The following PIGV variants were observed in gnomAD, a reference collection of about 807,000 sequenced individuals.
The protein encoded by PIGV is phosphatidylinositol glycan anchor biosynthesis class V.
A neutral mutation model predicts 39.2 loss-of-function variants in PIGV; 27 were observed. The observed-to-expected ratio is 0.69, with a 90% CI of 0.51 to 0.95. The LOEUF (loss-of-function observed/expected upper bound fraction) is 0.95. PIGV is among the 40% of genes least tolerant of loss of function. The probability of loss-of-function intolerance (pLI) is 0.00; values close to 1 mark genes in which losing one functional copy is unlikely to be tolerated. For missense variants in PIGV, 523 were observed against 586.4 expected (o/e 0.89, Z 1.12); for synonymous variants, 232 against 241.7 (o/e 0.96, Z 0.37).
At chr1:26,791,203 A>G (rs1426818298) in intron 2 of PIGV, among the ~76,000 whole-genome samples, 2 of 152,184 alleles carry the variant, frequency 1.3e-5, no homozygotes, top group African/African-American at 4.8e-5. Context: ...TCTCTCCAAC[A>G]GACTGTGATG....
chr1:26,788,125 G>A lies in PIGV; in HGVS notation c.-201G>A, dbSNP rs1208003985. ...AATGAGACAGACGCCCGGAGAAGCGGGGAGCCCCGCCCCTCCGCCATAGCA... is the reference window on the plus strand; with the variant it reads ...AATGAGACAGACGCCCGGAGAAGCGAGGAGCCCCGCCCCTCCGCCATAGCA... On this transcript the variant is annotated 5_prime_UTR_variant, in exon 1 of 4. Coordinates refer to ENST00000674202, the MANE Select transcript of PIGV (RefSeq NM_017837.4). 1 of 152,308 alleles carries A rather than the reference G, an allele frequency of 6.6e-6. No homozygotes were observed. The highest frequency in any genetic ancestry group is 1.9e-4 in the East Asian group (1 of 5,192). The allele number at this position is 152,308 out of a possible 1,614,324, so 9.4% of individuals were successfully genotyped here. A position where few individuals can be genotyped will look rare whatever the true frequency, so the allele number is the denominator to read the frequency against.
intron 2 of PIGV, among the ~76,000 whole-genome samples, chr1:26,791,164 C>A (rs2124182235): frequency 6.6e-6 from 1 of 152,242 alleles, no homozygotes; most frequent in Admixed American, 6.5e-5. Flanking sequence ...GGAGTTTGAC[C>A]CCATGTTTCC....
chr1:26,794,940 AAT>A lies in PIGV; in HGVS notation c.910_911del (p.Tyr304GlnfsTer17), dbSNP rs2081361922. 1.2e-6 allele frequency: 2 copies of A among 1,614,042 alleles called. No homozygotes were observed. Among genetic ancestry groups the A allele is most frequent in the African/African-American group, 1.3e-5 (1 of 74,922 alleles). On this transcript the variant is annotated frameshift_variant, in exon 3 of 4. Transcript: ENST00000674202. LOFTEE classifies it high-confidence loss of function. ...PPWCFWDVPLIYSYIQDVYWN... is the reference protein window; with the variant it reads ...PPWCFWDVPLXYSYIQDVYWN... ...CTTGGTGCTTCTGGGATGTTCCACTAATATACAGCTATATCCAGGATGTCTAC... is the reference window on the plus strand; with the variant it reads ...CTTGGTGCTTCTGGGATGTTCCACTAATACAGCTATATCCAGGATGTCTAC...
rs1340002703 is a variant in PIGV at position 26,794,591 on chromosome 1, G to C, written c.557G>C (p.Arg186Thr). 1 of 1,614,252 alleles carries C rather than the reference G, an allele frequency of 6.2e-7. No homozygotes were observed. The highest frequency in any genetic ancestry group is 1.7e-5 in the Admixed American group (1 of 60,036). The change falls in exon 3 of 4, where the codon AGG becomes ACG. Residue 186 changes from arginine to threonine, a missense_variant. Physicochemically the swap from Arg to Thr is moderately conservative, Grantham distance 71 (BLOSUM62 -1). Coordinates refer to ENST00000674202, the MANE Select transcript of PIGV (RefSeq NM_017837.4). ...TTCAGTGCCATGGGGCAGCTGGAGA[G>C]GGGCCGAGTCTGGACTAGTGTACTC... ...LTFSAMGQLE[R>T]GRVWTSVLLF...
chr1:26,788,980 G>A (rs1455137161), intron 1 of PIGV: 1 of 152,240 alleles, frequency 6.6e-6, no homozygotes, highest in Non-Finnish European at 1.5e-5. Context: ...TGAGGCTAGA[G>A]CTTGACTCGA....
chr1:26,793,019 C>T (rs901242739), intron 2 of PIGV, among the ~76,000 whole-genome samples: 10 of 152,242 alleles, frequency 6.6e-5, no homozygotes, highest in African/African-American at 2.2e-4. Flanking sequence ...TCACATTCTT[C>T]AGCCTACCTA....
chr1:26,787,843 A>AC (rs1382273507), upstream of PIGV: 1 of 152,104 alleles, frequency 6.6e-6, no homozygotes, highest in African/African-American at 2.4e-5. Flanking sequence ...CCGAGCGGCG[A>AC]CCCCCATCCC....
In PIGV at chr1:26,797,775, T is replaced by C; in HGVS notation, c.1413T>C (p.Ile471=). ...WKTCSPVTRY[I]LGYFLTYWLL... is the part of the protein sequence containing the mutation. The stretch of plus-strand genomic sequence containing the variant: ...CCTGTTCTCCAGTCACACGATACAT[T>C]CTAGGCTACTTCCTGACTTACTGGC... Residue 471 remains isoleucine, a synonymous_variant, in exon 4 of 4, where the codon ATT becomes ATC. Coordinates refer to ENST00000674202, the MANE Select transcript of PIGV (RefSeq NM_017837.4). 1 of 1,614,024 alleles carries C rather than the reference T, an allele frequency of 6.2e-7. No individual in the cohort carries two copies. The highest frequency in any genetic ancestry group is 8.5e-7 in the Non-Finnish European group (1 of 1,179,902).
At chr1:26,795,698 A>G (rs2081372870) in intron 3 of PIGV, among the ~76,000 whole-genome samples, 1 of 117,342 alleles carries the variant, frequency 8.5e-6, no homozygotes, top group Non-Finnish European at 1.7e-5. Flanking sequence ...CGACAGAGTG[A>G]GACTCTATCT....
chr1:26,794,266 G>A lies in PIGV; in HGVS notation c.232G>A (p.Gly78Ser), dbSNP rs2081349528. 2 of 1,614,210 alleles carry A rather than the reference G, an allele frequency of 1.2e-6. No homozygotes were observed. The highest frequency in any genetic ancestry group is 8.5e-7 in the Non-Finnish European group (1 of 1,180,030). ...ACACTTCTTGTTCATTGCTGAGCAT[G>A]GCTACCTGTATGAGCACAACTTTGC... is the stretch of plus-strand genomic sequence containing the variant. ...AEHFLFIAEH[G>S]YLYEHNFAFF... Residue 78 changes from glycine (G) to serine (S), a missense_variant, in exon 3 of 4, where the codon GGC becomes AGC. Gly to Ser is a moderately conservative substitution (Grantham distance 56). Transcript: ENST00000674202.
chr1:26,787,814 G>C (rs1156699580), upstream of PIGV: 1 of 152,322 alleles, frequency 6.6e-6, no homozygotes, highest in African/African-American at 2.4e-5. Context: ...AAGGTGGGAA[G>C]GTGCTACGAG....
At chr1:26,796,591 G>A (rs2081387625) in intron 3 of PIGV, among the ~76,000 whole-genome samples, 1 of 152,180 alleles carries the variant, frequency 6.6e-6, no homozygotes, top group Non-Finnish European at 1.5e-5. Context: ...TTCCATATAA[G>A]AAGCAGAGGA....
intron 2 of PIGV, among the ~76,000 whole-genome samples, chr1:26,792,320 ATT>A (rs34566875): frequency 1.1e-4 from 14 of 129,226 alleles, no homozygotes; most frequent in Admixed American, 1.6e-4. Context: ...TAATTTTTGT[ATT>A]TTTTTTTTTT....
chr1:26,790,861 G>A lies in PIGV; in HGVS notation c.46G>A (p.Val16Ile). The A allele has an allele frequency of 3.7e-6, 6 of 1,614,148 alleles. No individual in the cohort carries two copies. Among genetic ancestry groups the A allele is most frequent in the Non-Finnish European group, 5.1e-6 (6 of 1,179,994 alleles). Residue 16 changes from valine to isoleucine, a missense_variant, in exon 2 of 4, where the codon GTC becomes ATC. By Grantham distance (29) the Val-to-Ile change is conservative. Transcript: ENST00000674202. ...PSRKEVLRFA[V>I]SCRILTLMLQ... is the part of the protein sequence containing the mutation. ...CCGGAAGGAGGTGCTGAGGTTTGCA[G>A]TCAGCTGCCGTATCCTGACTCTGAT...
chr1:26,791,697 T>C (rs2081311538), intron 2 of PIGV, among the ~76,000 whole-genome samples: 1 of 152,224 alleles, frequency 6.6e-6, no homozygotes, highest in African/African-American at 2.4e-5. Flanking sequence ...ACATAAGGCA[T>C]GGCAGACTCT....
chr1:26,798,078 C>T lies in PIGV; in HGVS notation c.*234C>T, dbSNP rs1054904209. On this transcript the variant is annotated 3_prime_UTR_variant, in exon 4 of 4. Coordinates refer to ENST00000674202, the MANE Select transcript of PIGV (RefSeq NM_017837.4). ...TATTTTCTCTGTAAGTGAAGATTGT[C>T]GTATTCCAAGTCTAAAATACACCTG... The T allele has an allele frequency of 1.8e-6, 1 of 548,970 alleles. No individual in the cohort carries two copies. Among genetic ancestry groups the T allele is most frequent in the Non-Finnish European group, 3.3e-6 (1 of 304,776 alleles). The allele number at this position is 548,970 out of a possible 1,614,324, so 34.0% of individuals were successfully genotyped here.
chr1:26,795,060 T>G lies in PIGV; in HGVS notation c.1026T>G (p.Thr342=). Residue 342 remains threonine, a synonymous_variant, in exon 3 of 4, where the codon ACT becomes ACG. Transcript: ENST00000674202. The part of the protein sequence containing the change: ...APVAILVAWA[T]WTYVTTHPWL... ...TGGCTATACTGGTTGCCTGGGCAAC[T>G]TGGACATACGTGACCACTCACCCTT... 1 of 1,614,218 alleles carries G rather than the reference T, an allele frequency of 6.2e-7. No homozygotes were observed. Among genetic ancestry groups the G allele is most frequent in the East Asian group, 2.2e-5 (1 of 44,886 alleles).
Position 26,794,143 on chromosome 1 carries a change from C to T in PIGV, c.109C>T (p.His37Tyr). Residue 37 changes from histidine to tyrosine, a missense_variant, in exon 3 of 4, where the codon CAT becomes TAT. His to Tyr is a moderately conservative substitution (Grantham distance 83). Coordinates refer to ENST00000674202, the MANE Select transcript of PIGV (RefSeq NM_017837.4). ...ALFNAIIPDH[H>Y]AEAFSPPRLA... ...CTTCAATGCCATCATCCCAGATCAC[C>T]ATGCAGAAGCCTTCTCTCCTCCTCG... 1 of 1,614,238 alleles carries T rather than the reference C, an allele frequency of 6.2e-7. No homozygotes were observed.
chr1:26,798,009 T>A lies in PIGV; in HGVS notation c.*165T>A. On this transcript the variant is annotated 3_prime_UTR_variant, in exon 4 of 4. Transcript: ENST00000674202. ...CAGGAATGGGAGAAGTGTCAGACAC[T>A]AGAGAGCCCCTTCTGGTCCTGGCTA... The A allele has an allele frequency of 1.4e-6, 1 of 700,070 alleles. No individual in the cohort carries two copies. The highest frequency in any genetic ancestry group is 2.5e-6 in the Non-Finnish European group (1 of 403,152). The allele number at this position is 700,070 out of a possible 1,614,324, so 43.4% of individuals were successfully genotyped here.
Sources: gnomAD v4.1 joint callset for allele counts (sites outside exome capture counted in the v4.1 genomes callset) on GRCh38, gnomAD v4.1.1 for gene constraint, MANE v1.5 for transcripts, NCBI Gene and HGNC (gene_info 2026-07-23, HGNC 2026-07-21) for gene names.